PTPRD: variants seen among roughly 807,000 people sequenced by gnomAD.
The protein encoded by PTPRD is receptor-type tyrosine-protein phosphatase delta.
A neutral mutation model predicts 214.5 loss-of-function variants in PTPRD; 34 were observed. The ratio of observed to expected loss-of-function variants is 0.16; its 90% CI spans 0.12 to 0.21. The LOEUF is 0.21. Among genes scored for constraint, PTPRD ranks in the 10% least tolerant of loss-of-function variants. The pLI is 1.00. For missense variants in PTPRD, 2,545 were observed against 2,398.7 expected, an observed-to-expected ratio of 1.06 and a Z score of -1.27; for synonymous variants, 1,128 against 845.7, an observed-to-expected ratio of 1.33 and a Z score of -5.79.
At chr9:10,236,881 G>A (rs1225334228) in intron 3 of PTPRD, among the ~76,000 whole-genome samples, 3 of 151,936 alleles carry the variant, frequency 2.0e-5, no homozygotes, top group South Asian at 2.1e-4. Context: ...CCATTAACCT[G>A]TAAAAAATAC....
chr9:9,380,659 T>C (rs1427390161), intron 9 of PTPRD, among the ~76,000 whole-genome samples: 2 of 152,142 alleles, frequency 1.3e-5, no homozygotes, highest in South Asian at 2.1e-4. Context: ...TTTTTTGCCA[T>C]TGTTGGATGA....
chr9:8,581,935 A>G (rs2093178181), intron 14 of PTPRD, among the ~76,000 whole-genome samples: 1 of 145,412 alleles, frequency 6.9e-6, no homozygotes, highest in Non-Finnish European at 1.5e-5. Context: ...AAAAAAAAAA[A>G]AAAAAAAGAG....
chr9:9,176,626 C>T (rs949103934), intron 10 of PTPRD, among the ~76,000 whole-genome samples: 10 of 152,052 alleles, frequency 6.6e-5, no homozygotes, highest in African/African-American at 2.2e-4. Flanking sequence ...AGGCCTCTGC[C>T]CTCATGAATG....
At chr9:10,064,167 T>C (rs1437484150) in intron 3 of PTPRD, among the ~76,000 whole-genome samples, 1 of 151,962 alleles carries the variant, frequency 6.6e-6, no homozygotes, top group Non-Finnish European at 1.5e-5. Context: ...GAATTATTCC[T>C]CTTTGTTTCT....
At chr9:9,328,847 A>G (rs1209196396) in intron 9 of PTPRD, among the ~76,000 whole-genome samples, 1 of 151,146 alleles carries the variant, frequency 6.6e-6, no homozygotes, top group Non-Finnish European at 1.5e-5. Context: ...TATGTTGGCC[A>G]GGCTGGTCTT....
Position 10,165,157 on chromosome 9 carries a change from T to C in PTPRD, c.-544-131367A>G, listed in dbSNP as rs1219645850. 2.6e-5 allele frequency among the ~76,000 whole-genome samples: 4 copies of C among 151,710 alleles called. No individual in the cohort carries two copies. In the East Asian group the frequency reaches 5.8e-4, roughly 22 times the overall value. ...TGGAATAGCTCACAGTCCTAACCTA[T>C]AGGCTTTATTTATACAGCTCAAAAG... On this transcript the variant is annotated intron_variant, in intron 3 of 45. Transcript: ENST00000381196.
Position 10,511,947 on chromosome 9 carries a change from CGTGTGTGTATATATATATACGT to C in PTPRD, c.-600+100429_-600+100450del, listed in dbSNP as rs1566640382. 9.7e-3 allele frequency among the ~76,000 whole-genome samples: 646 copies of C among 66,710 alleles called. 5 individuals carry two copies. Among genetic ancestry groups the C allele is most frequent in the African/African-American group, 0.014 (268 of 19,396 alleles). The allele number at this position is 66,710 out of a possible 152,430, so 43.8% of individuals were successfully genotyped here. On this transcript the variant is annotated intron_variant, in intron 2 of 45. Coordinates refer to ENST00000381196, the MANE Select transcript of PTPRD (RefSeq NM_002839.4). ...ATATATATACGTGTATATATATATA[CGTGTGTGTATATATATATACGT>C]GTGTGTGTATATATATATACGTGTG...
intron 7 of PTPRD, among the ~76,000 whole-genome samples, chr9:9,602,769 G>A (rs183549703): frequency 4.7e-4 from 72 of 152,176 alleles, no homozygotes; most frequent in African/African-American, 1.7e-3. Context: ...TCATGGAGAT[G>A]AAACTGCTTT....
At chr9:8,591,194 G>A (rs987575930) in intron 14 of PTPRD, among the ~76,000 whole-genome samples, 1 of 152,186 alleles carries the variant, frequency 6.6e-6, no homozygotes, top group Admixed American at 6.5e-5. Flanking sequence ...CAAATGAATA[G>A]TAACATCAAC....
intron 8 of PTPRD, among the ~76,000 whole-genome samples, chr9:9,467,894 G>A (rs972970831): frequency 6.6e-6 from 1 of 152,042 alleles, no homozygotes; most frequent in East Asian, 1.9e-4. Context: ...GAGGTATTTG[G>A]TATGTCAATT....
intron 11 of PTPRD, chr9:8,962,205 A>T (rs534340835): frequency 1.3e-5 from 2 of 152,280 alleles, no homozygotes; most frequent in African/African-American, 2.4e-5. Context: ...ACGTAAGTGA[A>T]AAAATAATTA....
At position 8,389,255 on chromosome 9, in the gene PTPRD, T is replaced by A. The variant is rs1320957225; in HGVS notation, c.4363A>T (p.Thr1455Ser). 6.2e-7 allele frequency: 1 copy of A among 1,610,284 alleles called. No individual in the cohort carries two copies. Among genetic ancestry groups the A allele is most frequent in the Non-Finnish European group, 8.5e-7 (1 of 1,178,528 alleles). ...ACCCTTGATCTTTCTTCTAGTTTTG[T>A]CATCATGACAACTGTGGCACTCCGT... The part of the protein sequence containing the change: ...EQRSATVVMM[T>S]KLEERSRVKC... The change falls in exon 37 of 46, where the codon ACA becomes TCA. Residue 1455 changes from threonine (T) to serine (S), a missense_variant. Thr to Ser is a moderately conservative substitution (Grantham distance 58, BLOSUM62 1). Transcript: ENST00000381196.
intron 11 of PTPRD, among the ~76,000 whole-genome samples, chr9:8,887,330 T>G (rs767522798): frequency 8.5e-5 from 13 of 152,274 alleles, no homozygotes; most frequent in Non-Finnish European, 1.9e-4. Flanking sequence ...TCCTATTTCA[T>G]TAAAAACCAT....
At chr9:9,333,445 G>A (rs2136723918) in intron 9 of PTPRD, among the ~76,000 whole-genome samples, 1 of 147,446 alleles carries the variant, frequency 6.8e-6, no homozygotes, top group African/African-American at 2.5e-5. Flanking sequence ...CTCTCTATAT[G>A]GGCTACTTGG....
intron 12 of PTPRD, chr9:8,713,816 C>G: frequency 6.6e-7 from 1 of 1,524,892 alleles, no homozygotes; most frequent in Non-Finnish European, 8.9e-7. Flanking sequence ...CGATTCACCA[C>G]CAAGAGGCCC....
Position 9,646,625 on chromosome 9 carries a change from C to T in PTPRD, c.-286-71844G>A, listed in dbSNP as rs185552959. Among the ~76,000 whole-genome samples the T allele has an allele frequency of 1.2e-3, 179 of 152,098 alleles. 1 individual carries two copies. Among genetic ancestry groups the T allele is most frequent in the African/African-American group, 4.1e-3 (172 of 41,486 alleles). On this transcript the variant is annotated intron_variant, in intron 7 of 45. Coordinates refer to ENST00000381196, the MANE Select transcript of PTPRD (RefSeq NM_002839.4). ...TCATCTAGTTGAATATGCCTTCTTC[C>T]TCCTCTTTATACTATCCTATAAAAA... is the stretch of plus-strand genomic sequence containing the variant.
chr9:9,148,131 C>T (rs1020664924), intron 10 of PTPRD, among the ~76,000 whole-genome samples: 84 of 152,242 alleles, frequency 5.5e-4, no homozygotes, highest in African/African-American at 1.9e-3. Flanking sequence ...AAGAAAATTA[C>T]GAGCACTGGT....
intron 11 of PTPRD, among the ~76,000 whole-genome samples, chr9:8,774,345 C>T (rs1356677776): frequency 6.6e-6 from 1 of 151,838 alleles, no homozygotes; most frequent in African/African-American, 2.4e-5. Flanking sequence ...CAGAGAAAAT[C>T]CTAAAACATG....
At position 8,704,700 on chromosome 9, in the gene PTPRD, G is replaced by A. The variant is rs1396075945; in HGVS notation, c.64+29080C>T. 7.3e-5 allele frequency among the ~76,000 whole-genome samples: 11 copies of A among 151,024 alleles called. No individual in the cohort carries two copies. In the South Asian group the frequency reaches 8.3e-4, roughly 11 times the overall value. ...TTTAGATGGTAAAAAGAAATGAGGC[G>A]AGCGGATCACGAGGTCAGGAGTCGA... On this transcript the variant is annotated intron_variant, in intron 12 of 45. Transcript: ENST00000381196.
Sources: gnomAD v4.1 joint callset for allele counts (sites outside exome capture counted in the v4.1 genomes callset) on GRCh38, gnomAD v4.1.1 for gene constraint, MANE v1.5 for transcripts, NCBI Gene and HGNC (gene_info 2026-07-23, HGNC 2026-07-21) for gene names.